Variants in PHACTR3 observed in about 807,000 individuals in gnomAD.
The protein encoded by PHACTR3 is protein phosphatase 1, regulatory subunit 123.
A neutral mutation model predicts 66.8 loss-of-function variants in PHACTR3; 16 were observed. The ratio of observed to expected loss-of-function variants is 0.24; its 90% CI spans 0.16 to 0.36. The LOEUF (loss-of-function observed/expected upper bound fraction) is 0.36. Ranked by LOEUF, PHACTR3 falls within the 10% of genes least tolerant of loss-of-function variation. PHACTR3 has a pLI of 1.00. For synonymous variants in PHACTR3, 323 were observed against 292.1 expected (o/e 1.11, Z -1.08); for missense variants, 647 against 719.9 (o/e 0.90, Z 1.16).
intron 1 of PHACTR3, among the ~76,000 whole-genome samples, chr20:59,678,306 T>C (rs2036522287): frequency 6.6e-6 from 1 of 152,198 alleles, no homozygotes; most frequent in Non-Finnish European, 1.5e-5. Flanking sequence ...ACTGTTCATA[T>C]CGTGGATGCT....
intron 7 of PHACTR3, among the ~76,000 whole-genome samples, chr20:59,785,117 C>T (rs549201160): frequency 2.7e-4 from 41 of 152,246 alleles, no homozygotes; most frequent in African/African-American, 9.4e-4. Flanking sequence ...CTCCAGCTGC[C>T]GTAACAGGAT....
At chr20:59,592,005 T>A (rs2033196016) in intron 1 of PHACTR3, among the ~76,000 whole-genome samples, 1 of 151,944 alleles carries the variant, frequency 6.6e-6, no homozygotes, top group Non-Finnish European at 1.5e-5. Context: ...TTCTGGAAAG[T>A]CTACATAAAA....
Position 59,795,974 on chromosome 20 carries a change from T to A in PHACTR3, c.1175-10067T>A, listed in dbSNP as rs557832838. On this transcript the variant is annotated intron_variant, in intron 7 of 12. Coordinates refer to ENST00000371015, the MANE Select transcript of PHACTR3 (RefSeq NM_080672.5). ...TATTCATTTATATTCAAAGTTAGTA[T>A]TGATGGGTAAATACTCCTGCCATTT... Among the ~76,000 whole-genome samples the A allele has an allele frequency of 3.3e-5, 5 of 152,236 alleles. 1 individual carries two copies. In the South Asian group the frequency reaches 1.0e-3, roughly 32 times the overall value.
At chr20:59,746,571 G>A (rs1316778205) in intron 2 of PHACTR3, among the ~76,000 whole-genome samples, 1 of 152,234 alleles carries the variant, frequency 6.6e-6, no homozygotes, top group African/African-American at 2.4e-5. Flanking sequence ...ACCCAGCTCA[G>A]CACTTGGCAC....
chr20:59,822,276 T>C (rs1448904734), intron 8 of PHACTR3, among the ~76,000 whole-genome samples: 8 of 40,908 alleles, frequency 2.0e-4, no homozygotes, highest in Admixed American at 2.9e-4. Flanking sequence ...CCCTCCGCAG[T>C]GATCCCACCC....
chr20:59,692,915 G>GA (rs2146585474), intron 1 of PHACTR3, among the ~76,000 whole-genome samples: 1 of 152,218 alleles, frequency 6.6e-6, no homozygotes, highest in Non-Finnish European at 1.5e-5. Flanking sequence ...AGTACTCAAT[G>GA]AAAAAAGGTA....
chr20:59,814,568 C>T (rs2041834014), intron 8 of PHACTR3, among the ~76,000 whole-genome samples: 2 of 152,154 alleles, frequency 1.3e-5, no homozygotes, highest in Non-Finnish European at 2.9e-5. Context: ...CTGATCTCAG[C>T]TGAGGTCGAG....
At chr20:59,769,637 G>A (rs2040299105) in intron 5 of PHACTR3, among the ~76,000 whole-genome samples, 1 of 152,222 alleles carries the variant, frequency 6.6e-6, no homozygotes, top group East Asian at 1.9e-4. Flanking sequence ...CCCCCAGACA[G>A]TAGTCCCTGA....
At chr20:59,580,783 T>C (rs2146298318) in intron 1 of PHACTR3, among the ~76,000 whole-genome samples, 1 of 152,330 alleles carries the variant, frequency 6.6e-6, no homozygotes, top group Admixed American at 6.5e-5. Flanking sequence ...GGTCTGGAGT[T>C]GCCCAATTCT....
chr20:59,773,959 C>T (rs562065233), intron 6 of PHACTR3, among the ~76,000 whole-genome samples: 25 of 152,334 alleles, frequency 1.6e-4, no homozygotes, highest in Admixed American at 5.9e-4. Context: ...ACAAAATGTC[C>T]TTCTCAGTTT....
At chr20:59,680,683 A>G (rs1169788603) in intron 1 of PHACTR3, among the ~76,000 whole-genome samples, 1 of 152,144 alleles carries the variant, frequency 6.6e-6, no homozygotes, top group Non-Finnish European at 1.5e-5. Context: ...TAGCTCATCA[A>G]CTATCATTAG....
At chr20:59,745,211 G>A (rs754529480) in intron 2 of PHACTR3, among the ~76,000 whole-genome samples, 11 of 152,202 alleles carry the variant, frequency 7.2e-5, no homozygotes, top group Non-Finnish European at 1.5e-4. Context: ...AAAAGGCAGC[G>A]AGCTGGGGAA....
chr20:59,592,048 C>A (rs955684047), intron 1 of PHACTR3, among the ~76,000 whole-genome samples: 1 of 152,014 alleles, frequency 6.6e-6, no homozygotes, highest in African/African-American at 2.4e-5. Flanking sequence ...TACACATACA[C>A]ACACACAGAC....
chr20:59,610,560 A>C (rs1356704345), intron 1 of PHACTR3, among the ~76,000 whole-genome samples: 1 of 152,250 alleles, frequency 6.6e-6, no homozygotes, highest in African/African-American at 2.4e-5. Flanking sequence ...TGGCAATTTG[A>C]ATCTGAATAA....
chr20:59,743,061 T>C (rs530461806), intron 1 of PHACTR3, 46 bp from the exon 2 acceptor site: 4 of 1,587,698 alleles, frequency 2.5e-6, no homozygotes, highest in East Asian at 2.2e-5. Flanking sequence ...AGGAGTCACA[T>C]AGGTTTGGTG....
chr20:59,667,219 G>A (rs148554192), intron 1 of PHACTR3, among the ~76,000 whole-genome samples: 347 of 152,340 alleles, frequency 2.3e-3, no homozygotes, highest in African/African-American at 7.8e-3. Context: ...TGAGGCAGGG[G>A]AGGTTGAGGT....
chr20:59,845,145 T>G (rs749801767), intron 11 of PHACTR3, 44 bp from the exon 12 acceptor site: 1 of 1,258,624 alleles, frequency 7.9e-7, no homozygotes, highest in Non-Finnish European at 1.2e-6. Flanking sequence ...ATTTCCTGAT[T>G]TTTTTAATAT....
rs550886772 is a variant in PHACTR3, at chr20:59,828,693, C to T, written c.1329-7812C>T. On this transcript the variant is annotated intron_variant, in intron 8 of 12. Coordinates refer to ENST00000371015, the MANE Select transcript of PHACTR3 (RefSeq NM_080672.5). Reference sequence around the variant, plus strand: ...TGCAGCTCGACGTGGGGCCATCACCCGGCATGGAGTTTTGGGAGGGGTGGG... The same window carrying T: ...TGCAGCTCGACGTGGGGCCATCACCTGGCATGGAGTTTTGGGAGGGGTGGG... Among the ~76,000 whole-genome samples the T allele has an allele frequency of 7.2e-5, 11 of 151,790 alleles. 1 individual carries two copies. In the South Asian group the frequency reaches 2.1e-3, roughly 29 times the overall value.
intron 1 of PHACTR3, 50 bp downstream of exon 1, chr20:59,605,182 G>A: frequency 8.1e-7 from 1 of 1,234,966 alleles, no homozygotes; most frequent in Non-Finnish European, 1.0e-6. Flanking sequence ...CCCGAGGCAG[G>A]TGGCGCTGAG....
Sources: gnomAD v4.1 joint callset for allele counts (sites outside exome capture counted in the v4.1 genomes callset) on GRCh38, gnomAD v4.1.1 for gene constraint, MANE v1.5 for transcripts, NCBI Gene and HGNC (gene_info 2026-07-23, HGNC 2026-07-21) for gene names.